FOCAD: variants seen among roughly 807,000 people sequenced by gnomAD.
The protein encoded by FOCAD is focadhesin, also known as KIAA1797.
Under a neutral mutation model 225.6 loss-of-function variants are expected in FOCAD, and 198 were observed. The observed-to-expected ratio is 0.88, with a 90% confidence interval of 0.78 to 0.99. The LOEUF (loss-of-function observed/expected upper bound fraction) is 0.99, where lower values mean the gene tolerates loss of function less well. Among genes scored for constraint, FOCAD ranks in the 50% least tolerant of loss-of-function variants. The probability of loss-of-function intolerance (pLI) is 0.00; values close to 1 mark genes in which losing one functional copy is unlikely to be tolerated. For synonymous variants in FOCAD, 897 were observed against 755.0 expected, an observed-to-expected ratio of 1.19 and a Z score of -3.08; for missense variants, 2,713 against 2,123.6, an observed-to-expected ratio of 1.28 and a Z score of -5.46.
At chr9:20,702,477 C>G (rs1008253229) in intron 1 of FOCAD, among the ~76,000 whole-genome samples, 1 of 152,170 alleles carries the variant, frequency 6.6e-6, no homozygotes, top group South Asian at 2.1e-4. Flanking sequence ...CATGTGAGAT[C>G]TGGAGGCAGA....
intron 28 of FOCAD, among the ~76,000 whole-genome samples, chr9:20,936,469 G>A (rs781200316): frequency 6.6e-6 from 1 of 152,202 alleles, no homozygotes; most frequent in Non-Finnish European, 1.5e-5. Context: ...GCTGAGATTG[G>A]AGAGGAACTA....
At chr9:20,886,406 G>A (rs982655908) in intron 21 of FOCAD, among the ~76,000 whole-genome samples, 4 of 152,088 alleles carry the variant, frequency 2.6e-5, no homozygotes, top group African/African-American at 7.2e-5. Context: ...TTTAAGCTGT[G>A]CACTTAGATA....
intron 38 of FOCAD, 71 bp downstream of exon 38, chr9:20,981,757 G>A: frequency 6.6e-7 from 1 of 1,512,412 alleles, no homozygotes; most frequent in Non-Finnish European, 8.9e-7. Flanking sequence ...TTGGCAAAGT[G>A]GGGAGGTGTA....
At chr9:20,783,081 G>C (rs979139542) in intron 10 of FOCAD, among the ~76,000 whole-genome samples, 2 of 152,136 alleles carry the variant, frequency 1.3e-5, no homozygotes, top group Non-Finnish European at 2.9e-5. Flanking sequence ...GAATGGGAGT[G>C]GGGGCAGGGC....
chr9:20,772,388 T>G (rs1818327899), intron 8 of FOCAD, among the ~76,000 whole-genome samples: 2 of 152,184 alleles, frequency 1.3e-5, no homozygotes, highest in African/African-American at 2.4e-5. Context: ...AACACGGGAC[T>G]GGGTGACAGG....
rs191362542 is a variant in FOCAD, at chr9:20,780,068, T to A, written c.994+1300T>A. On this transcript the variant is annotated intron_variant, in intron 9 of 43. Transcript: ENST00000338382. ...TTCTGACAGCAATAGTTTTCTTTTT[T>A]AAAACAGCTTTATTGAGGTGTAATT... is the stretch of plus-strand genomic sequence containing the variant. Among the ~76,000 whole-genome samples, 213 of 152,354 alleles carry A rather than the reference T, an allele frequency of 1.4e-3. 2 individuals carry two copies. The highest frequency in any genetic ancestry group is 4.9e-3 in the African/African-American group (202 of 41,584).
In FOCAD at chr9:20,948,339, T is replaced by C. The variant is rs1266512096; in HGVS notation, c.3744T>C (p.Ala1248=). The C allele has an allele frequency of 1.2e-6, 2 of 1,612,728 alleles. No individual in the cohort carries two copies. The highest frequency in any genetic ancestry group is 2.7e-5 in the African/African-American group (2 of 74,876). The part of the protein sequence containing the change: ...HGLSVCGHGK[A]EDLGSKLLPA... ...TGTCTGTGTGTGGACATGGAAAAGCTGAAGACTTGGGCAGCAAACTACTCC... is the reference window on the plus strand; with the variant it reads ...TGTCTGTGTGTGGACATGGAAAAGCCGAAGACTTGGGCAGCAAACTACTCC... The change falls in exon 31 of 44, where the codon GCT becomes GCC. Residue 1248 remains alanine (A), a synonymous_variant. Coordinates refer to ENST00000338382, the MANE Select transcript of FOCAD (RefSeq NM_001375567.1).
chr9:20,677,441 T>G (rs1822266474), intron 2 of FOCAD, among the ~76,000 whole-genome samples: 1 of 152,108 alleles, frequency 6.6e-6, no homozygotes, highest in African/African-American at 2.4e-5. Flanking sequence ...ACTTACAGAA[T>G]GAGAGAAATA....
At chr9:20,985,067 G>A (rs376664960) in intron 39 of FOCAD, among the ~76,000 whole-genome samples, 30 of 152,264 alleles carry the variant, frequency 2.0e-4, no homozygotes, top group Non-Finnish European at 2.8e-4. Context: ...CTCCCAAAGC[G>A]CTGTGATTAC....
In FOCAD at chr9:20,915,998, G is replaced by T. The variant is rs7033577; in HGVS notation, c.2808-895G>T. ...ATGCTTTTAAAAAATACAAGATTGAGATCTATAGGAGGTGTTGCACCTGTC... is the reference window on the plus strand; with the variant it reads ...ATGCTTTTAAAAAATACAAGATTGATATCTATAGGAGGTGTTGCACCTGTC... On this transcript the variant is annotated intron_variant, in intron 23 of 43. Coordinates refer to ENST00000338382, the MANE Select transcript of FOCAD (RefSeq NM_001375567.1). Among the ~76,000 whole-genome samples, 11 of 152,008 alleles carry T rather than the reference G, an allele frequency of 7.2e-5. No homozygotes were observed. In the South Asian group the frequency reaches 2.3e-3, roughly 32 times the overall value.
intron 2 of FOCAD, among the ~76,000 whole-genome samples, chr9:20,664,800 G>A (rs1821848926): frequency 6.6e-6 from 1 of 151,780 alleles, no homozygotes; most frequent in Middle Eastern, 3.2e-3. Context: ...CTTAATAATG[G>A]TGATGGTTTC....
At chr9:20,705,941 T>G (rs1824349545) in intron 1 of FOCAD, among the ~76,000 whole-genome samples, 1 of 145,764 alleles carries the variant, frequency 6.9e-6, no homozygotes, top group Non-Finnish European at 1.5e-5. Context: ...TTTTTTTTTT[T>G]TTTTTTTTTT....
At chr9:20,949,199 T>G (rs971231623) in intron 32 of FOCAD, among the ~76,000 whole-genome samples, 3 of 152,182 alleles carry the variant, frequency 2.0e-5, no homozygotes, top group African/African-American at 7.2e-5. Flanking sequence ...TGAGAAAAGA[T>G]GATTGAAGGA....
At chr9:20,692,038 C>T (rs776375230) in intron 1 of FOCAD, among the ~76,000 whole-genome samples, 76 of 152,314 alleles carry the variant, frequency 5.0e-4, no homozygotes, top group Middle Eastern at 3.4e-3. Flanking sequence ...GTGTGAGCCA[C>T]GGCACCTGGC....
At chr9:20,810,000 C>T (rs534777635) in intron 11 of FOCAD, among the ~76,000 whole-genome samples, 3 of 152,206 alleles carry the variant, frequency 2.0e-5, no homozygotes, top group South Asian at 4.1e-4. Context: ...ATGACTAACA[C>T]GTTTAGTTAT....
intron 15 of FOCAD, among the ~76,000 whole-genome samples, chr9:20,823,699 C>G (rs1824570094): frequency 6.6e-6 from 1 of 152,058 alleles, no homozygotes; most frequent in Admixed American, 6.6e-5. Flanking sequence ...ATTCATTGAC[C>G]TAACCAAAGG....
chr9:20,696,207 A>G (rs966155485), intron 1 of FOCAD, among the ~76,000 whole-genome samples: 3 of 152,244 alleles, frequency 2.0e-5, no homozygotes, highest in African/African-American at 7.2e-5. Flanking sequence ...AATACTTGTA[A>G]CTGCAGGCAT....
chr9:20,736,628 C>T (rs759568081), intron 4 of FOCAD, among the ~76,000 whole-genome samples: 5 of 152,084 alleles, frequency 3.3e-5, no homozygotes, highest in African/African-American at 7.2e-5. Flanking sequence ...GCTTACACAG[C>T]GTCATCTGAA....
At chr9:20,757,389 T>G (rs1268096425) in intron 5 of FOCAD, among the ~76,000 whole-genome samples, 2 of 152,236 alleles carry the variant, frequency 1.3e-5, no homozygotes, top group Admixed American at 1.3e-4. Context: ...CTTTTTGTTT[T>G]TTTTTGGGGT....
Sources: gnomAD v4.1 joint callset for allele counts (sites outside exome capture counted in the v4.1 genomes callset) on GRCh38, gnomAD v4.1.1 for gene constraint, MANE v1.5 for transcripts, NCBI Gene and HGNC (gene_info 2026-07-23, HGNC 2026-07-21) for gene names.